The following EFR3B variants were observed in gnomAD, a reference collection of about 807,000 sequenced individuals.
EFR3B encodes protein EFR3 homolog B.
A neutral mutation model predicts 104.7 loss-of-function variants in EFR3B; 64 were observed. The ratio of observed to expected loss-of-function variants is 0.61; its 90% CI spans 0.50 to 0.75. The LOEUF (loss-of-function observed/expected upper bound fraction) is 0.75. Among genes scored for constraint, EFR3B ranks in the 30% least tolerant of loss-of-function variants. The pLI, the probability that EFR3B is intolerant of heterozygous loss-of-function variation, is 0.00. For synonymous variants in EFR3B, 385 were observed against 417.9 expected, an observed-to-expected ratio of 0.92 and a Z score of 0.96; for missense variants, 750 against 1,078.5, an observed-to-expected ratio of 0.70 and a Z score of 4.27.
intron 3 of EFR3B, among the ~76,000 whole-genome samples, chr2:25,094,882 T>G (rs889784828): frequency 6.6e-5 from 10 of 152,136 alleles, no homozygotes; most frequent in Admixed American, 6.6e-4. Context: ...CTCAGCCTCC[T>G]GGGCTCAAGA....
In EFR3B at chr2:25,042,316, T is replaced by C; in HGVS notation, c.4T>C (p.Tyr2His). 7.8e-7 allele frequency: 1 copy of C among 1,282,418 alleles called. No homozygotes were observed. The highest frequency in any genetic ancestry group is 9.8e-7 in the Non-Finnish European group (1 of 1,015,346). 79.4% of individuals were successfully genotyped at this position (1,282,418 alleles called of 1,614,324 possible). The change falls in exon 1 of 23, where the codon TAC (tyrosine) becomes CAC (histidine). Residue 2 changes from tyrosine (Y) to histidine (H), a missense_variant. Physicochemically the swap from Tyr to His is moderately conservative, Grantham distance 83. Coordinates refer to ENST00000403714, the MANE Select transcript of EFR3B (RefSeq NM_014971.2). This position sits in a 1 kb window ranked among gnomAD's most constrained non-coding sequence, Gnocchi z 5.4. M[Y>H]GVCGCCGALR... is the part of the protein sequence containing the mutation. Reference sequence around the variant, plus strand: ...GAGAGGCGCGCGCCCCGCCGAGATGTACGGTAAGGAGGGCTCCGCGCCCGG... The same window carrying C: ...GAGAGGCGCGCGCCCCGCCGAGATGCACGGTAAGGAGGGCTCCGCGCCCGG...
chr2:25,068,879 T>TTGGCC (rs1227026595), intron 1 of EFR3B, among the ~76,000 whole-genome samples: 2 of 151,706 alleles, frequency 1.3e-5, no homozygotes, highest in Admixed American at 6.6e-5. Flanking sequence ...TCCGCCCACC[T>TTGGCC]TGGCCTCCCA....
chr2:25,117,677 G>T (rs1291833191), intron 4 of EFR3B, among the ~76,000 whole-genome samples: 2 of 152,122 alleles, frequency 1.3e-5, no homozygotes, highest in African/African-American at 4.8e-5. Context: ...CTCCCAAAGT[G>T]CTGGGATTAC....
intron 1 of EFR3B, among the ~76,000 whole-genome samples, chr2:25,089,192 C>T (rs757001495): frequency 1.3e-5 from 2 of 152,150 alleles, no homozygotes; most frequent in African/African-American, 2.4e-5. Context: ...AGGACTGTCC[C>T]GGCCTGATGT....
chr2:25,124,693 A>G (rs1046761744), intron 5 of EFR3B, among the ~76,000 whole-genome samples: 1 of 136,022 alleles, frequency 7.4e-6, no homozygotes, highest in East Asian at 2.4e-4. Flanking sequence ...GAGCCGAGAT[A>G]GTGCCACTGC....
chr2:25,118,726 C>CAA (rs869026900), intron 4 of EFR3B, among the ~76,000 whole-genome samples: 2,590 of 33,552 alleles, frequency 0.077, 885 homozygotes, highest in Middle Eastern at 0.1. Flanking sequence ...CCTGTCTCTA[C>CAA]AAAAAAAAAA....
intron 1 of EFR3B, among the ~76,000 whole-genome samples, chr2:25,087,246 C>T (rs191646994): frequency 6.6e-6 from 1 of 152,044 alleles, no homozygotes; most frequent in Admixed American, 6.5e-5. Context: ...TCCCATGACA[C>T]GTGGGGATTA....
At chr2:25,118,553 AG>A (rs1669925783) in intron 4 of EFR3B, among the ~76,000 whole-genome samples, 1 of 151,970 alleles carries the variant, frequency 6.6e-6, no homozygotes, top group African/African-American at 2.4e-5. Context: ...GAAAGGAAGG[AG>A]GGAAGAGGAA....
At chr2:25,079,977 G>A (rs17744531) in intron 1 of EFR3B, 277,091 of 1,070,790 alleles carry the variant, frequency 0.26, 38,248 homozygotes, top group Non-Finnish European at 0.29. Flanking sequence ...CCTTCTGAAC[G>A]TTCTAGCAGT....
At chr2:25,070,955 CTCTTT>C (rs773307382) in intron 1 of EFR3B, among the ~76,000 whole-genome samples, 11 of 152,224 alleles carry the variant, frequency 7.2e-5, no homozygotes, top group Admixed American at 1.3e-4. Flanking sequence ...CAGGCTCAAG[CTCTTT>C]TCTTTTCTTT....
intron 1 of EFR3B, among the ~76,000 whole-genome samples, chr2:25,088,341 A>G (rs1669016936): frequency 2.0e-5 from 3 of 152,146 alleles, no homozygotes; most frequent in Admixed American, 1.3e-4. Context: ...TTGCAAGTGT[A>G]CAGAGCTGCC....
chr2:25,122,922 T>C (rs1670061099), intron 5 of EFR3B, among the ~76,000 whole-genome samples: 1 of 152,148 alleles, frequency 6.6e-6, no homozygotes, highest in Non-Finnish European at 1.5e-5. Flanking sequence ...CAAATTCTTG[T>C]TGAGTGAATA....
intron 10 of EFR3B, 26 bp from the exon 11 acceptor site, chr2:25,132,877 G>A (rs1670396184): frequency 6.5e-7 from 1 of 1,543,698 alleles, no homozygotes; most frequent in Non-Finnish European, 8.8e-7. Context: ...TGCCTCACTG[G>A]GCACCCTCTC....
At chr2:25,129,812 C>A (rs1459061898) in intron 6 of EFR3B, among the ~76,000 whole-genome samples, 163 bp from the exon 7 acceptor site, 1 of 152,180 alleles carries the variant, frequency 6.6e-6, no homozygotes, top group Non-Finnish European at 1.5e-5. Flanking sequence ...CTTCTTTACC[C>A]CCATTTAATT....
chr2:25,086,592 C>CTTTA (rs937600978), intron 1 of EFR3B, among the ~76,000 whole-genome samples: 53 of 152,116 alleles, frequency 3.5e-4, no homozygotes, highest in Non-Finnish European at 6.8e-4. Flanking sequence ...GTTTCAGGCC[C>CTTTA]TTTATTTATT....
chr2:25,079,317 G>A (rs1159069405), intron 1 of EFR3B, among the ~76,000 whole-genome samples: 1 of 152,216 alleles, frequency 6.6e-6, no homozygotes, highest in African/African-American at 2.4e-5. Flanking sequence ...TGGCGAAGGA[G>A]AGCACAAGAT....
intron 1 of EFR3B, among the ~76,000 whole-genome samples, chr2:25,058,708 G>A (rs1270560757): frequency 2.0e-5 from 3 of 150,636 alleles, no homozygotes; most frequent in Non-Finnish European, 2.9e-5. Context: ...GCAGTGAGCC[G>A]AGATCACGCC....
chr2:25,047,139 A>G (rs575432320), intron 1 of EFR3B, among the ~76,000 whole-genome samples: 7 of 152,354 alleles, frequency 4.6e-5, no homozygotes, highest in Middle Eastern at 3.4e-3. Flanking sequence ...ATATTACAGA[A>G]AAATCTGGAA....
intron 4 of EFR3B, among the ~76,000 whole-genome samples, chr2:25,108,828 A>G (rs1021658087): frequency 7.7e-6 from 1 of 130,426 alleles, no homozygotes; most frequent in Non-Finnish European, 1.9e-5. Flanking sequence ...ATGAAACCCC[A>G]TCTCTACTAA....
Sources: allele counts gnomAD v4.1 joint callset (sites outside exome capture counted in the v4.1 genomes callset), GRCh38; gene constraint gnomAD v4.1.1; non-coding constraint Gnocchi (gnomAD v3.1); transcripts MANE v1.5; gene names NCBI Gene and HGNC (gene_info 2026-07-23, HGNC 2026-07-21).